The following ADAMTS9 variants were observed in gnomAD, a reference collection of about 807,000 sequenced individuals.
The protein encoded by ADAMTS9 is A disintegrin and metalloproteinase with thrombospondin motifs 9.
Under a neutral mutation model 257.1 loss-of-function variants are expected in ADAMTS9, and 107 were observed. That is an observed-to-expected ratio of 0.42 (90% CI 0.36 to 0.49). ADAMTS9 has a LOEUF of 0.49. Ranked by LOEUF, ADAMTS9 falls within the 20% of genes least tolerant of loss-of-function variation. ADAMTS9 has a pLI of 0.03. For missense variants in ADAMTS9, 2,353 were observed against 2,469.1 expected (o/e 0.95, Z 1.00); for synonymous variants, 982 against 880.9 (o/e 1.11, Z -2.03).
chr3:64,594,556 A>T (rs1009090076), intron 27 of ADAMTS9, 122 bp from the exon 28 acceptor site: 3 of 1,206,588 alleles, frequency 2.5e-6, no homozygotes, highest in Non-Finnish European at 3.5e-6. Flanking sequence ...CCTCTGACAG[A>T]TGGAACCAAG....
chr3:64,628,352 A>G (rs1173941286), intron 16 of ADAMTS9, among the ~76,000 whole-genome samples: 3 of 152,190 alleles, frequency 2.0e-5, no homozygotes, highest in Non-Finnish European at 4.4e-5. Context: ...TTTTCCAAGA[A>G]AGGGAAGAAT....
chr3:64,535,975 C>G (rs1240298161), intron 37 of ADAMTS9, among the ~76,000 whole-genome samples: 3 of 152,186 alleles, frequency 2.0e-5, no homozygotes, highest in Non-Finnish European at 2.9e-5. Flanking sequence ...GCTTTCCACT[C>G]AGACTGCCTG....
Position 64,622,284 on chromosome 3 carries a change from G to C in ADAMTS9, c.2600C>G (p.Ser867Cys). 1 of 1,613,894 alleles carries C rather than the reference G, an allele frequency of 6.2e-7. No individual in the cohort carries two copies. Among genetic ancestry groups the C allele is most frequent in the Non-Finnish European group, 8.5e-7 (1 of 1,179,952 alleles). The change falls in exon 18 of 40, where the codon TCT becomes TGT. Residue 867 changes from serine to cysteine, a missense_variant. Physicochemically the swap from Ser to Cys is moderately radical, Grantham distance 112. Coordinates refer to ENST00000498707, the MANE Select transcript of ADAMTS9 (RefSeq NM_182920.2). Reference protein sequence around the residue: ...GKLYNPDVRYSFNIPIEDKPQ... With the variant: ...GKLYNPDVRYCFNIPIEDKPQ... The stretch of plus-strand genomic sequence containing the variant: ...TTTATCTTCAATTGGAATATTGAAA[G>C]AATAGCGTACATCGGGGTTGTACAA...
intron 22 of ADAMTS9, among the ~76,000 whole-genome samples, chr3:64,607,371 A>G (rs909012303): frequency 6.6e-6 from 1 of 152,210 alleles, no homozygotes; most frequent in Non-Finnish European, 1.5e-5. Flanking sequence ...TCATTTTTAC[A>G]TCTTTCACAC....
chr3:64,529,382 A>G (rs922275828), intron 38 of ADAMTS9, among the ~76,000 whole-genome samples: 1 of 152,046 alleles, frequency 6.6e-6, no homozygotes, highest in East Asian at 1.9e-4. Context: ...TGGGGAAAAC[A>G]TTTTATTGCC....
At position 64,520,557 on chromosome 3, in the gene ADAMTS9, A is replaced by T. The variant is rs546229701; in HGVS notation, c.*5+1609T>A. Among the ~76,000 whole-genome samples the T allele has an allele frequency of 2.0e-5, 3 of 152,226 alleles. No homozygotes were observed. In the East Asian group the frequency reaches 5.8e-4, roughly 29 times the overall value. ...TTCAAACTCTACTCCAAGGCAGCAA[A>T]CTAAAGGTAACCAAAACAGCATGGT... is the stretch of plus-strand genomic sequence containing the variant. On this transcript the variant is annotated intron_variant, in intron 39 of 39. Coordinates refer to ENST00000498707, the MANE Select transcript of ADAMTS9 (RefSeq NM_182920.2).
At chr3:64,673,026 T>C (rs774572560) in intron 3 of ADAMTS9, among the ~76,000 whole-genome samples, 32 of 152,094 alleles carry the variant, frequency 2.1e-4, no homozygotes, top group Admixed American at 3.3e-4. Flanking sequence ...CTAGGAACAA[T>C]AGGCTATGTA....
intron 12 of ADAMTS9, among the ~76,000 whole-genome samples, chr3:64,636,400 A>G (rs1274634957): frequency 6.6e-6 from 1 of 152,210 alleles, no homozygotes; most frequent in Non-Finnish European, 1.5e-5. Flanking sequence ...ATGCAATATT[A>G]GGCGAGTTGC....
At chr3:64,528,291 A>C (rs2082934238) in intron 38 of ADAMTS9, among the ~76,000 whole-genome samples, 1 of 152,142 alleles carries the variant, frequency 6.6e-6, no homozygotes. Context: ...GCTGTGGTGG[A>C]ATTCTGGGTG....
chr3:64,601,680 C>T (rs1454492846), intron 26 of ADAMTS9, among the ~76,000 whole-genome samples: 1 of 152,116 alleles, frequency 6.6e-6, no homozygotes, highest in African/African-American at 2.4e-5. Flanking sequence ...TTTACGGTAC[C>T]TCCAGGAGGC....
intron 31 of ADAMTS9, chr3:64,550,304 T>C (rs762990236): frequency 6.6e-6 from 1 of 152,220 alleles, no homozygotes; most frequent in Non-Finnish European, 1.5e-5. Flanking sequence ...ACACATCTGG[T>C]TCATGAAAGG....
In ADAMTS9 at chr3:64,615,472, C is replaced by G; in HGVS notation, c.3038G>C (p.Cys1013Ser). The G allele has an allele frequency of 6.2e-7, 1 of 1,613,098 alleles. No homozygotes were observed. Among genetic ancestry groups the G allele is most frequent in the Non-Finnish European group, 8.5e-7 (1 of 1,179,598 alleles). ...CCTTCTCCTCTGGGTCCCACCGTCA[C>G]AGCTTTTTGAACACTGTAGGGACAA... ...YSAWTECSKS[C>S]DGGTQRRRAI... The change falls in exon 21 of 40, where the codon TGT becomes TCT. Residue 1013 changes from cysteine to serine, a missense_variant. Physicochemically the swap from Cys to Ser is moderately radical, Grantham distance 112. Transcript: ENST00000498707.
At chr3:64,566,246 C>T (rs1011762118) in intron 29 of ADAMTS9, among the ~76,000 whole-genome samples, 2 of 152,200 alleles carry the variant, frequency 1.3e-5, no homozygotes, top group African/African-American at 4.8e-5. Flanking sequence ...TCATGCAGAC[C>T]GTCTTTCTCC....
intron 28 of ADAMTS9, among the ~76,000 whole-genome samples, chr3:64,576,824 G>C (rs1010881330): frequency 6.6e-6 from 1 of 152,140 alleles, no homozygotes; most frequent in Non-Finnish European, 1.5e-5. Flanking sequence ...GAGCACAGTC[G>C]AAGGCTGCTG....
At position 64,541,309 on chromosome 3, in the gene ADAMTS9, G is replaced by T. The variant is rs755586554; in HGVS notation, c.5387+11C>A. The T allele has an allele frequency of 6.2e-7, 1 of 1,614,018 alleles. No homozygotes were observed. Among genetic ancestry groups the T allele is most frequent in the South Asian group, 1.1e-5 (1 of 91,076 alleles). On this transcript the variant is annotated intron_variant, in intron 35 of 39. Coordinates refer to ENST00000498707, the MANE Select transcript of ADAMTS9 (RefSeq NM_182920.2). ...CAGGCCTCTGAGATCTTCTGAGCCT[G>T]GCTCTCCTACCTGTGCCCATAAACC... is the stretch of plus-strand genomic sequence containing the variant.
chr3:64,630,056 A>G (rs1299374970), intron 16 of ADAMTS9, among the ~76,000 whole-genome samples: 18 of 96,954 alleles, frequency 1.9e-4, no homozygotes, highest in Non-Finnish European at 3.2e-4. Flanking sequence ...ACAATAAAGA[A>G]AGTACATTAT....
chr3:64,595,683 C>T (rs1037166675), intron 27 of ADAMTS9, among the ~76,000 whole-genome samples: 3 of 152,170 alleles, frequency 2.0e-5, no homozygotes, highest in Admixed American at 6.5e-5. Flanking sequence ...ACAATAATCC[C>T]GTTATGACTG....
rs1209775848 is a variant in ADAMTS9, at chr3:64,604,085, G to A, written c.3584C>T (p.Ser1195Leu). Residue 1195 changes from serine (S) to leucine (L), a missense_variant, in exon 25 of 40, where the codon TCA becomes TTA. By Grantham distance (145) the Ser-to-Leu change is moderately radical. Around this residue, in one of 3 missense-constraint regions of ADAMTS9, gnomAD observed 1,402 missense variants for 1,441.4 expected, o/e 0.97. Coordinates refer to ENST00000498707, the MANE Select transcript of ADAMTS9 (RefSeq NM_182920.2). ...CCGGGTACCTTTCCCACAAGTGGCTGAGCACTGGGTGTTGGAGTAAAATCA... is the reference window on the plus strand; with the variant it reads ...CCGGGTACCTTTCCCACAAGTGGCTAAGCACTGGGTGTTGGAGTAAAATCA... The part of the protein sequence containing the change: ...QWRFGSWTPC[S>L]ATCGKGTRMR... 1 of 1,614,010 alleles carries A rather than the reference G, an allele frequency of 6.2e-7. No homozygotes were observed. Among genetic ancestry groups the A allele is most frequent in the Non-Finnish European group, 8.5e-7 (1 of 1,179,978 alleles).
chr3:64,561,676 CTCTGGCTATTTTGTG>C lies in ADAMTS9; in HGVS notation c.4585_4599del (p.His1529_Arg1533del). 1.2e-6 allele frequency: 2 copies of C among 1,613,970 alleles called. No individual in the cohort carries two copies. Among genetic ancestry groups the C allele is most frequent in the Non-Finnish European group, 8.5e-7 (1 of 1,179,994 alleles). ...CTGGTGTATGGGTTGCACTCGGTCT[CTCTGGCTATTTTGTG>C]TGTTCCGATCTGACAGCCCACATGC... is the stretch of plus-strand genomic sequence containing the variant. On this transcript the variant is annotated inframe_deletion, in exon 30 of 40. Coordinates refer to ENST00000498707, the MANE Select transcript of ADAMTS9 (RefSeq NM_182920.2).
Sources: gnomAD v4.1 joint callset for allele counts (sites outside exome capture counted in the v4.1 genomes callset) on GRCh38, gnomAD v4.1.1 for gene constraint, gnomAD v4.1.1 regional missense constraint, MANE v1.5 for transcripts, NCBI Gene and HGNC (gene_info 2026-07-23, HGNC 2026-07-21) for gene names.